OSBPL5: variants seen among roughly 807,000 people sequenced by gnomAD.
OSBPL5 encodes oxysterol binding protein like 5, also known as oxysterol-binding protein-related protein 5.
In OSBPL5, 71 loss-of-function variants were observed where a neutral mutation model predicts 111.2. That is an observed-to-expected ratio of 0.64 (90% confidence interval 0.53 to 0.78). The LOEUF (loss-of-function observed/expected upper bound fraction) is 0.78. Among genes scored for constraint, OSBPL5 ranks in the 30% least tolerant of loss-of-function variants. The pLI is 0.00. For synonymous variants in OSBPL5, 549 were observed against 513.9 expected, an observed-to-expected ratio of 1.07 and a Z score of -0.93; for missense variants, 1,210 against 1,189.3, an observed-to-expected ratio of 1.02 and a Z score of -0.26.
chr11:3,104,478 C>A lies in OSBPL5; in HGVS notation c.1060-101G>T. 7.5e-7 allele frequency: 1 copy of A among 1,326,650 alleles called. No homozygotes were observed. Among genetic ancestry groups the A allele is most frequent in the South Asian group, 1.4e-5 (1 of 72,322 alleles). The allele number at this position is 1,326,650 out of a possible 1,614,324, so 82.2% of individuals were successfully genotyped here. On this transcript the variant is annotated intron_variant, in intron 9 of 21. Transcript: ENST00000263650. The surrounding 1 kb of genome is among the most constrained non-coding windows in gnomAD (Gnocchi z 5.0). Reference sequence around the variant, plus strand: ...GGCTGGAGGAGGCTGTACCTGCCACCCCTTAGGGTGTAAACCCCTGACCTG... The same window carrying A: ...GGCTGGAGGAGGCTGTACCTGCCACACCTTAGGGTGTAAACCCCTGACCTG...
At chr11:3,156,667 G>A (rs1466243369) in intron 1 of OSBPL5, among the ~76,000 whole-genome samples, 1 of 152,186 alleles carries the variant, frequency 6.6e-6, no homozygotes, top group Non-Finnish European at 1.5e-5. Context: ...ATTCTGCATG[G>A]TTCCCGTGTT....
At position 3,110,210 on chromosome 11, in the gene OSBPL5, C is replaced by T. The variant is rs75909590; in HGVS notation, c.692-2265G>A. Among the ~76,000 whole-genome samples the T allele has an allele frequency of 3.3e-5, 5 of 152,166 alleles. No homozygotes were observed. The highest frequency in any genetic ancestry group is 4.4e-5 in the Non-Finnish European group (3 of 68,024). On this transcript the variant is annotated intron_variant, in intron 7 of 21. Coordinates refer to ENST00000263650, the MANE Select transcript of OSBPL5 (RefSeq NM_020896.4). The surrounding 1 kb of genome is among the most constrained non-coding windows in gnomAD (Gnocchi z 5.3). ...CCAGACTGCTTTAGGTCTGCACCAC[C>T]GGCGGGATGGGAGCCCTTCACCCCA...
chr11:3,149,906 TG>T (rs1220417530), intron 1 of OSBPL5, among the ~76,000 whole-genome samples: 2 of 152,198 alleles, frequency 1.3e-5, no homozygotes, highest in Non-Finnish European at 2.9e-5. Flanking sequence ...TCATCCTGAC[TG>T]CTCACCACCC....
chr11:3,107,867 C>T lies in OSBPL5; in HGVS notation c.770G>A (p.Arg257Gln), dbSNP rs371411050. ...LLRLGTCKPGRDGEPGTSPDA... is the reference protein window; with the variant it reads ...LLRLGTCKPGQDGEPGTSPDA... ...TGGCGAGGTCCCTGGCTCCCCGTCT[C>T]GGCCCGGCTTGCAGGTGCCCAGTCT... The change falls in exon 8 of 22, where the codon CGA becomes CAA. Residue 257 changes from arginine to glutamine, a missense_variant. Arg to Gln is a conservative substitution (Grantham distance 43). Coordinates refer to ENST00000263650, the MANE Select transcript of OSBPL5 (RefSeq NM_020896.4). This position sits in a 1 kb window ranked among gnomAD's most constrained non-coding sequence, Gnocchi z 6.1. 76 of 1,608,952 alleles carry T rather than the reference C, an allele frequency of 4.7e-5. No homozygotes were observed. The highest frequency in any genetic ancestry group is 2.4e-4 in the African/African-American group (18 of 75,048).
rs1285708503 is a variant in OSBPL5, at chr11:3,107,287, C to A, written c.1035G>T (p.Glu345Asp). ...CCTCCCCCAGCTCCTCCTGGACCTG[C>A]TCCACATAGGTGGTCCCTCTCCGCA... ...APVRRGTTYV[E>D]QVQEELGELG... The change falls in exon 9 of 22, where the codon GAG (glutamate) becomes GAT (aspartate). Residue 345 changes from glutamate to aspartate, a missense_variant. Coordinates refer to ENST00000263650, the MANE Select transcript of OSBPL5 (RefSeq NM_020896.4). The surrounding 1 kb of genome is among the most constrained non-coding windows in gnomAD (Gnocchi z 6.1). The A allele has an allele frequency of 6.2e-7, 1 of 1,613,488 alleles. No homozygotes were observed.
At chr11:3,112,281 C>T (rs1483345057) in intron 7 of OSBPL5, among the ~76,000 whole-genome samples, 3 of 152,106 alleles carry the variant, frequency 2.0e-5, no homozygotes, top group Non-Finnish European at 4.4e-5. Context: ...TTCTCTTGCA[C>T]CTTCTGCCGC....
At chr11:3,163,010 C>T (rs1193735657) in intron 1 of OSBPL5, among the ~76,000 whole-genome samples, 2 of 152,114 alleles carry the variant, frequency 1.3e-5, no homozygotes, top group African/African-American at 2.4e-5. Flanking sequence ...CTGCACCTAA[C>T]GGCTCCCTCC....
chr11:3,160,169 G>T lies in OSBPL5; in HGVS notation c.-22+5047C>A, dbSNP rs549886058. Among the ~76,000 whole-genome samples, 4 of 152,274 alleles carry T rather than the reference G, an allele frequency of 2.6e-5. No individual in the cohort carries two copies. The South Asian group carries it at 8.3e-4, about 32-fold the overall frequency. ...CAGCAGGGGGTGGGGTGGGGGTGAG[G>T]TTCATCCTGTAAGGAGGGCATCTAG... On this transcript the variant is annotated intron_variant, in intron 1 of 21. Transcript: ENST00000263650.
chr11:3,154,642 C>T lies in OSBPL5; in HGVS notation c.-22+10574G>A, dbSNP rs370283016. On this transcript the variant is annotated intron_variant, in intron 1 of 21. Transcript: ENST00000263650. The surrounding 1 kb of genome is among the most constrained non-coding windows in gnomAD (Gnocchi z 4.9). Reference sequence around the variant, plus strand: ...AGGGGATAAAAACAGAACCCACTGACGAGACGCCTGGCAGTGCGGGGGCCC... The same window carrying T: ...AGGGGATAAAAACAGAACCCACTGATGAGACGCCTGGCAGTGCGGGGGCCC... 1.4e-4 allele frequency among the ~76,000 whole-genome samples: 22 copies of T among 152,160 alleles called. No individual in the cohort carries two copies. Among genetic ancestry groups the T allele is most frequent in the African/African-American group, 3.6e-4 (15 of 41,436 alleles).
chr11:3,093,566 G>A lies in OSBPL5; in HGVS notation c.1907C>T (p.Thr636Met), dbSNP rs776822713. The part of the protein sequence containing the change: ...EVRRQRLRQH[T>M]VPLEEQTELE... ...CTCCGTCTGCTCCTCCAGCGGCACC[G>A]TGTGCTGCCTCAGCCTCTGTCTGCG... The change falls in exon 17 of 22, where the codon ACG becomes ATG. Residue 636 changes from threonine (T) to methionine (M), a missense_variant. Physicochemically the swap from Thr to Met is moderately conservative, Grantham distance 81. Transcript: ENST00000263650. 3.1e-6 allele frequency: 5 copies of A among 1,611,738 alleles called. No individual in the cohort carries two copies. Among genetic ancestry groups the A allele is most frequent in the East Asian group, 4.5e-5 (2 of 44,872 alleles).
chr11:3,120,644 G>A lies in OSBPL5; in HGVS notation c.403-20C>T, dbSNP rs370001427. On this transcript the variant is annotated intron_variant, in intron 5 of 21. Transcript: ENST00000263650. ...GCGGATCTGCAGGGAGGATGCTGGC[G>A]TCGATGCCCACCCTCTGGGGCCGCC... 440 of 1,608,800 alleles carry A rather than the reference G, an allele frequency of 2.7e-4. No homozygotes were observed. The highest frequency in any genetic ancestry group is 7.5e-4 in the African/African-American group (56 of 74,860).
chr11:3,089,871 G>A lies in OSBPL5; in HGVS notation c.2476C>T (p.Arg826Ter), dbSNP rs759794463. ...CTGTGCAGCTCCTGCTGGGCCTCTC[G>A]GATGGAGAGGATGGCCTCGTGCAGG... ...QALHEAILSIREAQQELHRHL... is the reference protein window; with the variant it reads ...QALHEAILSI The change falls in exon 21 of 22, where the codon CGA becomes TGA. Residue 826 changes from arginine (R) to a stop codon, truncating the protein, a stop_gained. Transcript: ENST00000263650. LOFTEE classifies it high-confidence loss of function. The A allele has an allele frequency of 1.3e-6, 2 of 1,563,198 alleles. No homozygotes were observed. Among genetic ancestry groups the A allele is most frequent in the Admixed American group, 1.9e-5 (1 of 53,026 alleles).
At chr11:3,147,577 T>A (rs1292652437) in intron 1 of OSBPL5, among the ~76,000 whole-genome samples, 1 of 152,198 alleles carries the variant, frequency 6.6e-6, no homozygotes, top group African/African-American at 2.4e-5. Context: ...GTTTGTGAAC[T>A]CGAATCGAGG....
At chr11:3,114,477 A>C (rs527964731) in intron 7 of OSBPL5, among the ~76,000 whole-genome samples, 3 of 151,806 alleles carry the variant, frequency 2.0e-5, no homozygotes, top group South Asian at 2.1e-4. Context: ...TTAAAAAAAA[A>C]CCCTTTTATA....
At chr11:3,158,541 C>T (rs1405236042) in intron 1 of OSBPL5, among the ~76,000 whole-genome samples, 1 of 152,202 alleles carries the variant, frequency 6.6e-6, no homozygotes, top group Non-Finnish European at 1.5e-5. Context: ...GTCCACCGCC[C>T]CAGGACCAGC....
intron 15 of OSBPL5, 89 bp downstream of exon 15, chr11:3,094,148 T>C: frequency 7.6e-7 from 1 of 1,308,374 alleles, no homozygotes; most frequent in Non-Finnish European, 1.1e-6. Context: ...TGGGGAACCT[T>C]CCTTGGGGCC....
Position 3,088,145 on chromosome 11 carries a change from AGTGCTGG to A in OSBPL5, c.*53_*59del. On this transcript the variant is annotated 3_prime_UTR_variant, in exon 22 of 22. Coordinates refer to ENST00000263650, the MANE Select transcript of OSBPL5 (RefSeq NM_020896.4). The stretch of plus-strand genomic sequence containing the variant: ...CTCTGCCTCCATGGAGCAGGCTTAA[AGTGCTGG>A]GTGCCTGGGAGGGAGGGCTCAGGAC... 1 of 1,443,876 alleles carries A rather than the reference AGTGCTGG, an allele frequency of 6.9e-7. No individual in the cohort carries two copies. The highest frequency in any genetic ancestry group is 9.2e-7 in the Non-Finnish European group (1 of 1,084,626). 89.4% of individuals were successfully genotyped at this position (1,443,876 alleles called of 1,614,324 possible). A position where few individuals can be genotyped will look rare whatever the true frequency, so the allele number is the denominator to read the frequency against.
At chr11:3,148,644 G>A (rs1458330180) in intron 1 of OSBPL5, among the ~76,000 whole-genome samples, 3 of 152,192 alleles carry the variant, frequency 2.0e-5, no homozygotes, top group African/African-American at 7.2e-5. Context: ...GAAGCCAAAC[G>A]GGAGAGGACA....
In OSBPL5 at chr11:3,126,057, T is replaced by G. The variant is rs187080126; in HGVS notation, c.219+416A>C. ...TGAGGATGTGAGGAACTGGAGCCCT[T>G]GTGCACTGTGGGTGGCCATGTAAGA... is the stretch of plus-strand genomic sequence containing the variant. On this transcript the variant is annotated intron_variant, in intron 3 of 21. Transcript: ENST00000263650. The surrounding 1 kb of genome is among the most constrained non-coding windows in gnomAD (Gnocchi z 6.5). Among the ~76,000 whole-genome samples, 45 of 152,308 alleles carry G rather than the reference T, an allele frequency of 3.0e-4. No homozygotes were observed. The East Asian group carries it at 5.2e-3, about 18-fold the overall frequency.
Sources: gnomAD v4.1 joint callset for allele counts (sites outside exome capture counted in the v4.1 genomes callset) on GRCh38, gnomAD v4.1.1 for gene constraint, Gnocchi (gnomAD v3.1) non-coding constraint, MANE v1.5 for transcripts, NCBI Gene and HGNC (gene_info 2026-07-23, HGNC 2026-07-21) for gene names.